The following SUCO variants were observed in gnomAD, a reference collection of about 807,000 sequenced individuals.
SUCO encodes the protein SUN domain-containing ossification factor.
In SUCO, 57 loss-of-function variants were observed where a neutral mutation model predicts 148.1. That is an observed-to-expected ratio of 0.38 (90% CI 0.31 to 0.48). The LOEUF (loss-of-function observed/expected upper bound fraction) is 0.48, where lower values mean the gene tolerates loss of function less well. Among genes scored for constraint, SUCO ranks in the 20% least tolerant of loss-of-function variants. The probability of loss-of-function intolerance (pLI) is 0.96; values close to 1 mark genes in which losing one functional copy is unlikely to be tolerated. For synonymous variants in SUCO, 470 were observed against 502.7 expected (o/e 0.93, Z 0.87); for missense variants, 1,331 against 1,468.2 (o/e 0.91, Z 1.53).
intron 21 of SUCO, chr1:172,602,462 A>G: frequency 1.0e-6 from 1 of 981,374 alleles, no homozygotes; most frequent in Non-Finnish European, 1.2e-6. Flanking sequence ...TTGGTTGAGA[A>G]AGATGCTTAA....
At chr1:172,539,454 G>A (rs1468052851) in intron 1 of SUCO, among the ~76,000 whole-genome samples, 2 of 152,150 alleles carry the variant, frequency 1.3e-5, no homozygotes, top group African/African-American at 4.8e-5. Flanking sequence ...CAGTATAAGA[G>A]TGTTAATCCT....
rs746908247 is a variant in SUCO, at chr1:172,589,080, T to G, written c.1979T>G (p.Val660Gly). The G allele has an allele frequency of 1.9e-6, 3 of 1,613,658 alleles. No homozygotes were observed. The highest frequency in any genetic ancestry group is 2.7e-5 in the African/African-American group (2 of 74,918). Residue 660 changes from valine (V) to glycine (G), a missense_variant, in exon 18 of 24, where the codon GTG (valine) becomes GGG (glycine). Physicochemically the swap from Val to Gly is moderately radical, Grantham distance 109. This residue lies in a region of SUCO where 992 missense variants were observed against 1,093.5 expected (regional missense o/e 0.91). Transcript: ENST00000263688. ...TTGAGTAAAGGAAAAGATTATCTTGTGTTAGCTCAACCACCCTTACTACTT... is the reference window on the plus strand; with the variant it reads ...TTGAGTAAAGGAAAAGATTATCTTGGGTTAGCTCAACCACCCTTACTACTT... ...TALSKGKDYL[V>G]LAQPPLLLPA... is the part of the protein sequence containing the mutation.
rs144320587 is a variant in SUCO, at chr1:172,595,719, T to G, written c.2914-4345T>G. ...CTGGCTGCCCTTAATATTTTTTCCT[T>G]CATTTCAACTTTGGTGAATCTGACA... On this transcript the variant is annotated intron_variant, in intron 19 of 23. Coordinates refer to ENST00000263688, the MANE Select transcript of SUCO (RefSeq NM_014283.5). Among the ~76,000 whole-genome samples, 1,379 of 152,344 alleles carry G rather than the reference T, an allele frequency of 9.1e-3. 14 individuals are homozygous for G. Among genetic ancestry groups the G allele is most frequent in the Non-Finnish European group, 0.014 (981 of 68,036 alleles).
chr1:172,571,336 C>T (rs1654962990), intron 9 of SUCO, among the ~76,000 whole-genome samples: 1 of 152,234 alleles, frequency 6.6e-6, no homozygotes, highest in African/African-American at 2.4e-5. Flanking sequence ...GCCGGGATTG[C>T]AGACGGAGTC....
intron 23 of SUCO, chr1:172,609,089 T>C (rs1440451407): frequency 4.0e-6 from 1 of 251,122 alleles, no homozygotes; most frequent in Non-Finnish European, 6.3e-6. Flanking sequence ...ATTTACTGTC[T>C]GACCCTTCAC....
intron 15 of SUCO, among the ~76,000 whole-genome samples, chr1:172,582,938 T>C (rs1294336930): frequency 6.6e-6 from 1 of 152,170 alleles, no homozygotes; most frequent in Non-Finnish European, 1.5e-5. Context: ...AGCTACTTTC[T>C]TTACACAGAT....
At chr1:172,532,549 G>A (rs752223181), upstream of SUCO, 2 of 1,613,866 alleles carry the variant, frequency 1.2e-6, no homozygotes, top group Non-Finnish European at 1.7e-6. Context: ...TTGCCACAGG[G>A]AAAGGGCTTG....
chr1:172,579,254 T>C lies in SUCO; in HGVS notation c.1485T>C (p.Leu495=), dbSNP rs1655692441. The C allele has an allele frequency of 6.3e-7, 1 of 1,597,982 alleles. No individual in the cohort carries two copies. The highest frequency in any genetic ancestry group is 8.6e-7 in the Non-Finnish European group (1 of 1,167,120). ...AGGATAAATCCTCAAAAAATCTTCT[T>C]GGTTCTGCTACAAGTGAGTATTTTG... ...TGEDKSSKNL[L]GSATNAILNM... The change falls in exon 15 of 24, where the codon CTT becomes CTC. Residue 495 remains leucine, a synonymous_variant. Transcript: ENST00000263688.
At chr1:172,552,731 G>T (rs974682140) in intron 2 of SUCO, 2 of 662,774 alleles carry the variant, frequency 3.0e-6, no homozygotes, top group Non-Finnish European at 3.7e-6. Context: ...GAAGCATTTT[G>T]CAAACAAATG....
chr1:172,568,208 C>T, intron 6 of SUCO: 1 of 689,380 alleles, frequency 1.5e-6, no homozygotes, highest in South Asian at 6.5e-5. Context: ...AGTTGTGGAC[C>T]ACTGATTTAT....
chr1:172,551,521 C>A lies in SUCO; in HGVS notation c.72C>A (p.Ser24Arg). 6.3e-7 allele frequency: 1 copy of A among 1,598,646 alleles called. No individual in the cohort carries two copies. The highest frequency in any genetic ancestry group is 1.1e-5 in the South Asian group (1 of 88,506). Residue 24 changes from serine to arginine, a missense_variant, in exon 2 of 24, where the codon AGC becomes AGA. Ser to Arg is a moderately radical substitution (Grantham distance 110). Transcript: ENST00000263688. ...LFLCSLVWLPSWRVCCKESSS... is the reference protein window; with the variant it reads ...LFLCSLVWLPRWRVCCKESSS... Reference sequence around the variant, plus strand: ...GGTGGGTGTTTTACAGGCTTCCCAGCTGGCGTGTATGTTGTAAAGAGAGTT... The same window carrying A: ...GGTGGGTGTTTTACAGGCTTCCCAGATGGCGTGTATGTTGTAAAGAGAGTT...
At chr1:172,586,247 G>A (rs528093109) in intron 17 of SUCO, among the ~76,000 whole-genome samples, 1 of 152,192 alleles carries the variant, frequency 6.6e-6, no homozygotes, top group South Asian at 2.1e-4. Context: ...TACTCTGCAG[G>A]TATAGGCTTG....
intron 15 of SUCO, among the ~76,000 whole-genome samples, chr1:172,584,095 A>T (rs1214495551): frequency 6.6e-6 from 1 of 152,186 alleles, no homozygotes; most frequent in African/African-American, 2.4e-5. Context: ...ATTTAAAAAG[A>T]TTGCTGTTTT....
rs1457816626 is a variant in SUCO, at chr1:172,610,191, A to G, written c.3697A>G (p.Ile1233Val). 4 of 1,612,966 alleles carry G rather than the reference A, an allele frequency of 2.5e-6. No individual in the cohort carries two copies. Among genetic ancestry groups the G allele is most frequent in the Admixed American group, 1.7e-5 (1 of 59,830 alleles). Residue 1233 changes from isoleucine to valine, a missense_variant, in exon 24 of 24, where the codon ATA becomes GTA. Physicochemically the swap from Ile to Val is conservative, Grantham distance 29. Coordinates refer to ENST00000263688, the MANE Select transcript of SUCO (RefSeq NM_014283.5). ...KSGSLPSLHDIIKGNKEITVG... is the reference protein window; with the variant it reads ...KSGSLPSLHDVIKGNKEITVG... ...GGGATCATTGCCGAGCCTGCATGAC[A>G]TAATCAAAGGAAACAAAGAGATCAC...
At chr1:172,604,634 T>A (rs1571298290) in intron 22 of SUCO, among the ~76,000 whole-genome samples, 1 of 151,842 alleles carries the variant, frequency 6.6e-6, no homozygotes, top group South Asian at 2.1e-4. Flanking sequence ...TGTTTTCGTC[T>A]TGCAAACCTG....
At chr1:172,542,369 C>T (rs1230110020) in intron 1 of SUCO, among the ~76,000 whole-genome samples, 2 of 151,864 alleles carry the variant, frequency 1.3e-5, no homozygotes, top group African/African-American at 4.8e-5. Flanking sequence ...TCAACAAGAG[C>T]GAAACTCCGT....
intron 6 of SUCO, among the ~76,000 whole-genome samples, chr1:172,565,853 C>T (rs1654512185): frequency 6.6e-6 from 1 of 152,242 alleles, no homozygotes; most frequent in African/African-American, 2.4e-5. Flanking sequence ...GGCACACTAA[C>T]GATGGGGGCT....
chr1:172,607,766 A>C (rs1657956133), intron 22 of SUCO, among the ~76,000 whole-genome samples: 1 of 152,000 alleles, frequency 6.6e-6, no homozygotes, highest in African/African-American at 2.4e-5. Flanking sequence ...TATTAAAGAA[A>C]GTAAATTAAG....
In SUCO at chr1:172,590,779, C is replaced by T. The variant is rs76898127; in HGVS notation, c.2826-205C>T. Among the ~76,000 whole-genome samples the T allele has an allele frequency of 9.8e-3, 1,491 of 152,224 alleles. 28 individuals carry two copies. Among genetic ancestry groups the T allele is most frequent in the African/African-American group, 0.034 (1,423 of 41,504 alleles). ...CCATACCTGCTCTTACTTTTCCCTA[C>T]CTCCATCTGCATCCCAAGGGAACCA... On this transcript the variant is annotated intron_variant, in intron 18 of 23. Coordinates refer to ENST00000263688, the MANE Select transcript of SUCO (RefSeq NM_014283.5).
Sources: allele counts gnomAD v4.1 joint callset (sites outside exome capture counted in the v4.1 genomes callset), GRCh38; gene constraint gnomAD v4.1.1; regional missense constraint gnomAD v4.1.1; transcripts MANE v1.5; gene names NCBI Gene and HGNC (gene_info 2026-07-23, HGNC 2026-07-21).